Variants in DGCR2 observed in about 807,000 individuals in gnomAD.
The protein encoded by DGCR2 is integral membrane protein DGCR2/IDD.
Under a neutral mutation model 51.6 loss-of-function variants are expected in DGCR2, and 24 were observed. The ratio of observed to expected loss-of-function variants is 0.47; its 90% CI spans 0.34 to 0.65. The LOEUF is 0.65. Among genes scored for constraint, DGCR2 ranks in the 30% least tolerant of loss-of-function variants. DGCR2 has a pLI of 0.01. For synonymous variants in DGCR2, 340 were observed against 315.4 expected, an observed-to-expected ratio of 1.08 and a Z score of -0.82; for missense variants, 765 against 772.1, an observed-to-expected ratio of 0.99 and a Z score of 0.11.
At chr22:19,071,559 C>T (rs1164132908) in intron 2 of DGCR2, among the ~76,000 whole-genome samples, 1 of 152,164 alleles carries the variant, frequency 6.6e-6, no homozygotes, top group Non-Finnish European at 1.5e-5. Context: ...ACAGAACTGA[C>T]CTGGACTCTT....
Position 19,048,422 on chromosome 22 carries a change from T to C in DGCR2, c.1006+18A>G. Reference sequence around the variant, plus strand: ...CAAATAGGGAGGCTGACTTGGGACGTCCTATCAAGAGTCTCACCTGGGTCC... The same window carrying C: ...CAAATAGGGAGGCTGACTTGGGACGCCCTATCAAGAGTCTCACCTGGGTCC... On this transcript the variant is annotated intron_variant, in intron 7 of 9. Transcript: ENST00000263196. The C allele has an allele frequency of 6.2e-7, 1 of 1,613,664 alleles. No homozygotes were observed. Among genetic ancestry groups the C allele is most frequent in the Non-Finnish European group, 8.5e-7 (1 of 1,179,784 alleles).
intron 7 of DGCR2, chr22:19,047,098 G>C (rs2082498325): frequency 6.5e-6 from 1 of 153,662 alleles, no homozygotes; most frequent in Non-Finnish European, 1.5e-5. Flanking sequence ...GCCCTAAACA[G>C]ACATGCACCC....
chr22:19,122,073 G>C (rs2083440118), intron 1 of DGCR2, 55 bp downstream of exon 1: 1 of 1,331,846 alleles, frequency 7.5e-7, no homozygotes, highest in South Asian at 1.7e-5. Flanking sequence ...GTCCCGGGGC[G>C]ACCCCGGCCC....
chr22:19,064,925 A>G lies in DGCR2; in HGVS notation c.471T>C (p.Thr157=), dbSNP rs769900561. 5 of 1,614,042 alleles carry G rather than the reference A, an allele frequency of 3.1e-6. No individual in the cohort carries two copies. The Admixed American group carries it at 8.3e-5, about 27-fold the overall frequency. ...RLNGSLATFS[T]DQELRFVLAQ... ...CCAGGACAAAGCGCAGCTCCTGGTC[A>G]GTGGAGAAGGTGGCGAGAGAGCCAT... is the stretch of plus-strand genomic sequence containing the variant. Residue 157 remains threonine (T), a synonymous_variant, in exon 4 of 10, where the codon ACT becomes ACC. Transcript: ENST00000263196.
chr22:19,086,078 T>G (rs2083011685), intron 2 of DGCR2, among the ~76,000 whole-genome samples: 1 of 152,170 alleles, frequency 6.6e-6, no homozygotes, highest in Non-Finnish European at 1.5e-5. Context: ...AATCACAAGA[T>G]TTAGCAGTCA....
chr22:19,087,044 T>C (rs2083024716), intron 2 of DGCR2, among the ~76,000 whole-genome samples: 1 of 152,192 alleles, frequency 6.6e-6, no homozygotes, highest in African/African-American at 2.4e-5. Flanking sequence ...AATCATCTGG[T>C]TCTCTCTTCA....
intron 6 of DGCR2, chr22:19,056,356 CT>C (rs1205250921): frequency 3.2e-6 from 1 of 312,476 alleles, no homozygotes; most frequent in Non-Finnish European, 6.1e-6. Context: ...ACAAGAACGC[CT>C]GCACCATGCT....
intron 2 of DGCR2, among the ~76,000 whole-genome samples, chr22:19,070,426 G>A (rs766692905): frequency 2.0e-5 from 3 of 152,202 alleles, no homozygotes; most frequent in Non-Finnish European, 4.4e-5. Flanking sequence ...CTGCTCAAAT[G>A]GGCAAGACCT....
intron 1 of DGCR2, among the ~76,000 whole-genome samples, chr22:19,109,844 C>T (rs1013797266): frequency 6.6e-6 from 1 of 152,100 alleles, no homozygotes; most frequent in Non-Finnish European, 1.5e-5. Flanking sequence ...ATATAAAATA[C>T]GGAGGGATTT....
At chr22:19,064,076 G>A (rs191163055) in intron 4 of DGCR2, among the ~76,000 whole-genome samples, 7 of 152,280 alleles carry the variant, frequency 4.6e-5, no homozygotes, top group Admixed American at 2.6e-4. Context: ...CTGGCTGACC[G>A]CCATAAGCTC....
intron 5 of DGCR2, among the ~76,000 whole-genome samples, chr22:19,059,680 A>G (rs942192044): frequency 2.0e-5 from 3 of 151,896 alleles, no homozygotes; most frequent in Admixed American, 6.5e-5. Flanking sequence ...TGCCCCTCCC[A>G]TATGTCCACA....
chr22:19,052,947 A>G (rs1481499798), intron 6 of DGCR2, among the ~76,000 whole-genome samples: 1 of 152,190 alleles, frequency 6.6e-6, no homozygotes, highest in Non-Finnish European at 1.5e-5. Context: ...ATATGACCAA[A>G]GGCCTCTGAC....
chr22:19,087,448 G>A (rs1410109922), intron 2 of DGCR2, among the ~76,000 whole-genome samples: 5 of 152,060 alleles, frequency 3.3e-5, no homozygotes, highest in Non-Finnish European at 7.4e-5. Context: ...GGAGCGCACT[G>A]GCATGATCTC....
At chr22:19,077,149 ACT>A (rs916734401) in intron 2 of DGCR2, among the ~76,000 whole-genome samples, 2 of 151,652 alleles carry the variant, frequency 1.3e-5, no homozygotes, top group Non-Finnish European at 2.9e-5. Flanking sequence ...CTGCCTTTTC[ACT>A]CTGTTGAGTG....
intron 1 of DGCR2, among the ~76,000 whole-genome samples, chr22:19,103,772 G>A (rs2083232536): frequency 1.3e-5 from 2 of 148,708 alleles, no homozygotes; most frequent in South Asian, 2.1e-4. Flanking sequence ...AAGGCCAGGT[G>A]CGGTGGCTCA....
chr22:19,095,967 G>C (rs2083135637), intron 1 of DGCR2, among the ~76,000 whole-genome samples: 1 of 152,100 alleles, frequency 6.6e-6, no homozygotes, highest in Non-Finnish European at 1.5e-5. Flanking sequence ...ACAGGAGCTA[G>C]GTCCTTTTCA....
rs1337791202 is a variant in DGCR2, at chr22:19,037,157, G to A, written c.*1708C>T. ...GGACTCCTGTGGCCAGGACTTCCTT[G>A]TTAAGTAGCAGCCCTTCTCCAAGGG... On this transcript the variant is annotated 3_prime_UTR_variant, in exon 10 of 10. Coordinates refer to ENST00000263196, the MANE Select transcript of DGCR2 (RefSeq NM_005137.3). 6.6e-6 allele frequency: 1 copy of A among 152,254 alleles called. No individual in the cohort carries two copies. The highest frequency in any genetic ancestry group is 2.4e-5 in the African/African-American group (1 of 41,422). 9.4% of individuals were successfully genotyped at this position (152,254 alleles called of 1,614,324 possible).
intron 1 of DGCR2, among the ~76,000 whole-genome samples, chr22:19,093,499 A>G (rs1280796764): frequency 1.3e-5 from 2 of 152,202 alleles, no homozygotes; most frequent in African/African-American, 2.4e-5. Context: ...ATCTACCAAA[A>G]ACACAATCTA....
At chr22:19,096,788 A>G (rs369856718) in intron 1 of DGCR2, among the ~76,000 whole-genome samples, 2 of 151,886 alleles carry the variant, frequency 1.3e-5, no homozygotes, top group African/African-American at 4.8e-5. Flanking sequence ...CACAGGCACA[A>G]TCATGGTGCC....
Sources: gnomAD v4.1 joint callset for allele counts (sites outside exome capture counted in the v4.1 genomes callset) on GRCh38, gnomAD v4.1.1 for gene constraint, MANE v1.5 for transcripts, NCBI Gene and HGNC (gene_info 2026-07-23, HGNC 2026-07-21) for gene names.